CYFIP2: variants seen among roughly 807,000 people sequenced by gnomAD.
CYFIP2 encodes the protein cytoplasmic FMR1-interacting protein 2.
In CYFIP2, 29 loss-of-function variants were observed where a neutral mutation model predicts 158.7. That is an observed-to-expected ratio of 0.18 (90% confidence interval 0.14 to 0.25). The LOEUF (loss-of-function observed/expected upper bound fraction) is 0.25. CYFIP2 is among the 10% of genes least tolerant of loss of function. The probability of loss-of-function intolerance (pLI) is 1.00; values close to 1 mark genes in which losing one functional copy is unlikely to be tolerated. For synonymous variants in CYFIP2, 585 were observed against 617.6 expected, an observed-to-expected ratio of 0.95 and a Z score of 0.78; for missense variants, 852 against 1,639.5, an observed-to-expected ratio of 0.52 and a Z score of 8.29.
In CYFIP2 at chr5:157,377,322, C is replaced by G. The variant is rs371927167; in HGVS notation, c.3040-5268C>G. 1.4e-4 allele frequency among the ~76,000 whole-genome samples: 21 copies of G among 152,208 alleles called. No homozygotes were observed. The East Asian group carries it at 3.5e-3, about 25-fold the overall frequency. On this transcript the variant is annotated intron_variant, in intron 26 of 30. Transcript: ENST00000620254. ...TTCCTCTAGCACTGAAAGCTTCAGT[C>G]TACCTTGGCTCTCAGCCCTGCCCTA...
intron 3 of CYFIP2, among the ~76,000 whole-genome samples, chr5:157,292,446 C>T (rs1204159115): frequency 2.0e-5 from 3 of 152,064 alleles, no homozygotes; most frequent in East Asian, 1.9e-4. Flanking sequence ...CTCGAACTCC[C>T]GACCTCAGGT....
chr5:157,323,813 G>A, intron 15 of CYFIP2, 108 bp from the exon 16 acceptor site: 2 of 1,255,472 alleles, frequency 1.6e-6, no homozygotes, highest in South Asian at 3.5e-5. Flanking sequence ...CTTTTTAAGA[G>A]CAGACATCTG....
chr5:157,337,887 A>T (rs1761974258), intron 21 of CYFIP2, among the ~76,000 whole-genome samples: 1 of 152,226 alleles, frequency 6.6e-6, no homozygotes, highest in Admixed American at 6.5e-5. Context: ...CCAAGAACAC[A>T]TGATTTGGAA....
At chr5:157,312,484 G>A (rs974361096) in intron 11 of CYFIP2, among the ~76,000 whole-genome samples, 2 of 151,934 alleles carry the variant, frequency 1.3e-5, no homozygotes, top group Non-Finnish European at 2.9e-5. Flanking sequence ...CATCCCATAC[G>A]TACCCTCCTA....
rs1177076731 is a variant in CYFIP2 at position 157,325,582 on chromosome 5, C to T, written c.1926C>T (p.Ser642=). ...GAATCCAGTTCCCCATCGAGATGTC[C>T]ATGCCCTGGATTCTAACGGACCATA... is the stretch of plus-strand genomic sequence containing the variant. ...GRRIQFPIEM[S]MPWILTDHIL... Residue 642 remains serine, a synonymous_variant, in exon 17 of 31, where the codon TCC becomes TCT. Transcript: ENST00000620254. 1 of 1,612,986 alleles carries T rather than the reference C, an allele frequency of 6.2e-7. No individual in the cohort carries two copies. Among genetic ancestry groups the T allele is most frequent in the Non-Finnish European group, 8.5e-7 (1 of 1,179,442 alleles).
chr5:157,343,530 T>A (rs1303485634), intron 23 of CYFIP2: 8 of 1,554,218 alleles, frequency 5.1e-6, no homozygotes, highest in Non-Finnish European at 6.1e-6. Flanking sequence ...CCCACCTCGA[T>A]GTTCATCCCG....
In CYFIP2 at chr5:157,266,674, G is replaced by A. The variant is rs545041219; in HGVS notation, c.-24+479G>A. The A allele has an allele frequency of 2.0e-4, 31 of 152,856 alleles. No homozygotes were observed. The East Asian group carries it at 5.2e-3, about 26-fold the overall frequency. 9.5% of individuals were successfully genotyped at this position (152,856 alleles called of 1,614,324 possible). ...GAGAGCCGCCTGGGCCCGCCTGGCA[G>A]CCGCCTCGGGCACACAGAACGTGTG... On this transcript the variant is annotated intron_variant, in intron 1 of 30. Coordinates refer to ENST00000620254, the MANE Select transcript of CYFIP2 (RefSeq NM_001037333.3). The surrounding 1 kb of genome is among the most constrained non-coding windows in gnomAD (Gnocchi z 4.2).
At chr5:157,382,699 C>T (rs765415044) in intron 27 of CYFIP2, 37 bp downstream of exon 27, 35 of 1,594,554 alleles carry the variant, frequency 2.2e-5, no homozygotes, top group South Asian at 1.9e-4. Flanking sequence ...AGCCAACTGG[C>T]GTTTGAACCT....
chr5:157,272,150 C>G (rs1756154300), intron 1 of CYFIP2, among the ~76,000 whole-genome samples: 2 of 152,240 alleles, frequency 1.3e-5, no homozygotes, highest in South Asian at 4.1e-4. Context: ...AGATCTTTTT[C>G]TCTGTCTACT....
At chr5:157,283,513 G>A (rs970227155) in intron 1 of CYFIP2, among the ~76,000 whole-genome samples, 3 of 152,122 alleles carry the variant, frequency 2.0e-5, no homozygotes, top group African/African-American at 7.2e-5. Context: ...GAATTGTGGG[G>A]GAGAGAAGAG....
intron 26 of CYFIP2, chr5:157,365,207 GTAT>G (rs997091852): frequency 2.6e-5 from 4 of 152,274 alleles, no homozygotes; most frequent in Admixed American, 6.5e-5. Context: ...GCACATTCAT[GTAT>G]TATTATTGAC....
intron 25 of CYFIP2, among the ~76,000 whole-genome samples, chr5:157,360,775 T>C (rs1372981536): frequency 6.6e-6 from 1 of 152,166 alleles, no homozygotes; most frequent in East Asian, 1.9e-4. Context: ...AGTCAGGAAA[T>C]GGACATCTTT....
chr5:157,350,393 C>T (rs1161389394), intron 23 of CYFIP2, among the ~76,000 whole-genome samples: 1 of 152,156 alleles, frequency 6.6e-6, no homozygotes, highest in Non-Finnish European at 1.5e-5. Flanking sequence ...TGTCCTTTCC[C>T]CGCTTTATAT....
Position 157,266,149 on chromosome 5 carries a change from C to G in CYFIP2, c.-70C>G, listed in dbSNP as rs895084830. 1 of 150,654 alleles carries G rather than the reference C, an allele frequency of 6.6e-6. No homozygotes were observed. The highest frequency in any genetic ancestry group is 6.6e-5 in the Admixed American group (1 of 15,138). 9.3% of individuals were successfully genotyped at this position (150,654 alleles called of 1,614,324 possible). On this transcript the variant is annotated 5_prime_UTR_variant, in exon 1 of 31. Transcript: ENST00000620254. This position sits in a 1 kb window ranked among gnomAD's most constrained non-coding sequence, Gnocchi z 4.2. ...GAGCATCCTGCGCCCCGGCGCGGGGCCCTGCGGTAGCCTCAGGCCCCTCCC... is the reference window on the plus strand; with the variant it reads ...GAGCATCCTGCGCCCCGGCGCGGGGGCCTGCGGTAGCCTCAGGCCCCTCCC...
At chr5:157,334,874 C>G (rs1157086654) in intron 21 of CYFIP2, among the ~76,000 whole-genome samples, 2 of 152,146 alleles carry the variant, frequency 1.3e-5, no homozygotes, top group Non-Finnish European at 2.9e-5. Flanking sequence ...TGAATAAAGC[C>G]TGTCATTCAG....
rs967026916 is a variant in CYFIP2, at chr5:157,377,911, G to A, written c.3040-4679G>A. The stretch of plus-strand genomic sequence containing the variant: ...GCCCTGGTCCTCCATCAGCAGCTCA[G>A]ATTTCAGGACCCTGGGCTAGATAAG... On this transcript the variant is annotated intron_variant, in intron 26 of 30. Coordinates refer to ENST00000620254, the MANE Select transcript of CYFIP2 (RefSeq NM_001037333.3). Among the ~76,000 whole-genome samples, 3 of 152,352 alleles carry A rather than the reference G, an allele frequency of 2.0e-5. No individual in the cohort carries two copies. In the South Asian group the frequency reaches 6.2e-4, roughly 32 times the overall value.
At chr5:157,386,200 A>G (rs1766669575) in intron 28 of CYFIP2, among the ~76,000 whole-genome samples, 1 of 152,106 alleles carries the variant, frequency 6.6e-6, no homozygotes, top group Non-Finnish European at 1.5e-5. Flanking sequence ...GTTGATGAAG[A>G]CTATTTCTGA....
intron 13 of CYFIP2, 44 bp from the exon 14 acceptor site, chr5:157,319,718 G>A: frequency 6.2e-7 from 1 of 1,605,700 alleles, no homozygotes; most frequent in Non-Finnish European, 8.5e-7. Context: ...GACAGCTGGT[G>A]TGCTGGACAT....
chr5:157,293,604 A>G (rs1002511822), intron 3 of CYFIP2, among the ~76,000 whole-genome samples: 15 of 152,252 alleles, frequency 9.9e-5, no homozygotes, highest in Non-Finnish European at 1.5e-5. Context: ...AAAACAATCC[A>G]GCCTCACAGA....
Sources: gnomAD v4.1 joint callset for allele counts (sites outside exome capture counted in the v4.1 genomes callset) on GRCh38, gnomAD v4.1.1 for gene constraint, Gnocchi (gnomAD v3.1) non-coding constraint, MANE v1.5 for transcripts, NCBI Gene and HGNC (gene_info 2026-07-23, HGNC 2026-07-21) for gene names.